The following MED6 variants were observed in gnomAD, a reference collection of about 807,000 sequenced individuals.
MED6 encodes the protein mediator of RNA polymerase II transcription subunit 6.
A neutral mutation model predicts 37.5 loss-of-function variants in MED6; 33 were observed. The observed-to-expected ratio is 0.88, with a 90% CI of 0.67 to 1.18. The LOEUF (loss-of-function observed/expected upper bound fraction) is 1.18, where lower values mean the gene tolerates loss of function less well. Ranked by LOEUF, MED6 falls within the 50% of genes most tolerant of loss-of-function variation. The pLI, the probability that MED6 is intolerant of heterozygous loss-of-function variation, is 0.00. For missense variants in MED6, 235 were observed against 290.6 expected (o/e 0.81, Z 1.39); for synonymous variants, 94 against 93.6 (o/e 1.00, Z -0.02).
At chr14:70,594,506 T>C (rs1237372115) in intron 3 of MED6, 6 of 324,896 alleles carry the variant, frequency 1.8e-5, no homozygotes, top group Non-Finnish European at 3.0e-5. Context: ...ATTGTGGTCA[T>C]CAGCAAAGCC....
intron 3 of MED6, chr14:70,594,793 G>T: frequency 1.7e-6 from 1 of 590,064 alleles, no homozygotes; most frequent in Non-Finnish European, 3.1e-6. Context: ...ACGAGGAGGA[G>T]ACCATGCAAA....
At chr14:70,594,933 T>C (rs558519015) in intron 3 of MED6, 16 of 609,182 alleles carry the variant, frequency 2.6e-5, no homozygotes, top group Middle Eastern at 4.1e-4. Flanking sequence ...AGGTCAGAGA[T>C]TGGGGCCATT....
Position 70,596,635 on chromosome 14 carries a change from G to T in MED6, c.250C>A (p.Gln84Lys). 6.2e-7 allele frequency: 1 copy of T among 1,613,788 alleles called. No homozygotes were observed. The highest frequency in any genetic ancestry group is 8.5e-7 in the Non-Finnish European group (1 of 1,179,760). ...QEPILFIIRK[Q>K]QRQSPAQVIP... ...CCTTGGGCAGGGGACTGCCGCTGTT[G>T]CTTCCGAATGATGAAAAGAATGGGC... Residue 84 changes from glutamine (Q) to lysine (K), a missense_variant, in exon 3 of 8, where the codon CAA (glutamine) becomes AAA (lysine). Transcript: ENST00000256379.
intron 7 of MED6, 125 bp from the exon 8 acceptor site, chr14:70,585,068 G>T: frequency 8.7e-7 from 1 of 1,143,300 alleles, no homozygotes; most frequent in Non-Finnish European, 1.2e-6. Flanking sequence ...TCTAGATCTA[G>T]CTGTTTCCCC....
At chr14:70,587,420 T>C (rs1023711106) in intron 6 of MED6, among the ~76,000 whole-genome samples, 5 of 152,210 alleles carry the variant, frequency 3.3e-5, no homozygotes, top group African/African-American at 1.2e-4. Flanking sequence ...CATTATCTTG[T>C]GAAAATATCA....
At chr14:70,586,465 G>A (rs946839500) in intron 6 of MED6, among the ~76,000 whole-genome samples, 5 of 152,100 alleles carry the variant, frequency 3.3e-5, no homozygotes, top group African/African-American at 1.2e-4. Context: ...TGTCTCCCAT[G>A]TTTAAAAACA....
In MED6 at chr14:70,584,103, GTTTAT is replaced by G. The variant is rs974727429; in HGVS notation, c.*705_*709del. 12 of 696,908 alleles carry G rather than the reference GTTTAT, an allele frequency of 1.7e-5. No individual in the cohort carries two copies. The highest frequency in any genetic ancestry group is 7.5e-5 in the East Asian group (3 of 40,080). The allele number at this position is 696,908 out of a possible 1,614,324, so 43.2% of individuals were successfully genotyped here. A position where few individuals can be genotyped will look rare whatever the true frequency, so the allele number is the denominator to read the frequency against. The stretch of plus-strand genomic sequence containing the variant: ...TTCATCTTCCAAAATGTCAGCAACT[GTTTAT>G]TTTAATACTGAGGATTATGTAACTG... On this transcript the variant is annotated 3_prime_UTR_variant, in exon 8 of 8. Transcript: ENST00000256379.
intron 6 of MED6, among the ~76,000 whole-genome samples, chr14:70,586,235 G>A (rs986800266): frequency 6.6e-6 from 1 of 152,168 alleles, no homozygotes; most frequent in African/African-American, 2.4e-5. Context: ...TGGTAGGCAT[G>A]GGAAATTTGG....
In MED6 at chr14:70,583,286, C is replaced by T. The variant is rs1298484841; in HGVS notation, c.*1527G>A. 6.6e-6 allele frequency: 1 copy of T among 152,174 alleles called. No individual in the cohort carries two copies. 9.4% of individuals were successfully genotyped at this position (152,174 alleles called of 1,614,324 possible). A position where few individuals can be genotyped will look rare whatever the true frequency, so the allele number is the denominator to read the frequency against. On this transcript the variant is annotated 3_prime_UTR_variant, in exon 8 of 8. Transcript: ENST00000256379. ...ATAAGAAGTTGAAAGACAAAAATCT[C>T]ACACAATACATAAAATTAGACATTT...
chr14:70,596,584 A>G (rs1021618456), intron 3 of MED6, 27 bp downstream of exon 3: 2 of 1,539,576 alleles, frequency 1.3e-6, no homozygotes, highest in African/African-American at 2.8e-5. Context: ...TAAAAAGAAA[A>G]CAATGCCTAA....
intron 2 of MED6, among the ~76,000 whole-genome samples, chr14:70,597,016 T>C (rs1885068436): frequency 6.6e-6 from 1 of 152,226 alleles, no homozygotes; most frequent in Non-Finnish European, 1.5e-5. Flanking sequence ...AATGCCATGA[T>C]GCTTCCTGAC....
At chr14:70,593,400 T>G in intron 3 of MED6, 22 bp from the exon 4 acceptor site, 3 of 1,564,074 alleles carry the variant, frequency 1.9e-6, no homozygotes, top group Non-Finnish European at 2.6e-6. Flanking sequence ...GGAAAAAAGG[T>G]TTATAAATAC....
intron 6 of MED6, among the ~76,000 whole-genome samples, chr14:70,586,378 T>C (rs1211204302): frequency 2.6e-5 from 4 of 152,180 alleles, no homozygotes; most frequent in Admixed American, 6.5e-5. Context: ...TTAAGCTCTG[T>C]CATCTCCTTT....
chr14:70,590,221 G>C (rs1884828410), intron 6 of MED6, among the ~76,000 whole-genome samples: 1 of 152,162 alleles, frequency 6.6e-6, no homozygotes, highest in Non-Finnish European at 1.5e-5. Context: ...GGCCTACCTA[G>C]CATACACTAT....
intron 5 of MED6, chr14:70,591,814 T>C (rs573547197): frequency 6.5e-6 from 1 of 153,568 alleles, no homozygotes; most frequent in African/African-American, 2.4e-5. Flanking sequence ...AGCTACCATA[T>C]TCAATTATTA....
chr14:70,585,733 T>G (rs1456141101), intron 7 of MED6, 23 bp downstream of exon 7: 1 of 1,576,276 alleles, frequency 6.3e-7, no homozygotes, highest in East Asian at 2.3e-5. Context: ...TCAAGCGTAA[T>G]AAGAATATTA....
intron 7 of MED6, 125 bp downstream of exon 7, chr14:70,585,631 G>T: frequency 4.5e-6 from 3 of 659,672 alleles, no homozygotes; most frequent in Admixed American, 4.0e-5. Flanking sequence ...TTCTTCCAAT[G>T]AGACCCAGCC....
intron 7 of MED6, among the ~76,000 whole-genome samples, 187 bp downstream of exon 7, chr14:70,585,569 T>C (rs556799075): frequency 8.6e-5 from 13 of 151,760 alleles, no homozygotes; most frequent in South Asian, 4.2e-4. Flanking sequence ...TTTTTTTTTT[T>C]CAGCTCATCA....
intron 6 of MED6, among the ~76,000 whole-genome samples, chr14:70,589,857 T>G (rs907709197): frequency 6.6e-6 from 1 of 152,232 alleles, no homozygotes; most frequent in African/African-American, 2.4e-5. Flanking sequence ...CACTAACTCA[T>G]GTTTCTGGTT....
Sources: gnomAD v4.1 joint callset for allele counts (sites outside exome capture counted in the v4.1 genomes callset) on GRCh38, gnomAD v4.1.1 for gene constraint, MANE v1.5 for transcripts, NCBI Gene and HGNC (gene_info 2026-07-23, HGNC 2026-07-21) for gene names.